PCDHGA6: variants seen among roughly 807,000 people sequenced by gnomAD.
PCDHGA6 encodes protocadherin gamma-A6.
Under a neutral mutation model 60.6 loss-of-function variants are expected in PCDHGA6, and 41 were observed. The ratio of observed to expected loss-of-function variants is 0.68; its 90% confidence interval spans 0.53 to 0.88. The LOEUF is 0.88. Among genes scored for constraint, PCDHGA6 ranks in the 40% least tolerant of loss-of-function variants. The probability of loss-of-function intolerance (pLI) is 0.00; values close to 1 mark genes in which losing one functional copy is unlikely to be tolerated. For missense variants in PCDHGA6, 1,312 were observed against 1,203.0 expected, an observed-to-expected ratio of 1.09 and a Z score of -1.34; for synonymous variants, 594 against 524.4, an observed-to-expected ratio of 1.13 and a Z score of -1.81.
rs1364618927 is a variant in PCDHGA6 at position 141,375,639 on chromosome 5, C to T, written c.1556C>T (p.Ser519Phe). 2 of 1,614,126 alleles carry T rather than the reference C, an allele frequency of 1.2e-6. No individual in the cohort carries two copies. The highest frequency in any genetic ancestry group is 1.7e-6 in the Non-Finnish European group (2 of 1,180,054). The change falls in exon 1 of 4, where the codon TCC becomes TTC. Residue 519 changes from serine (S) to phenylalanine (F), a missense_variant. Transcript: ENST00000517434. The stretch of plus-strand genomic sequence containing the variant: ...ACTGGGATTCTGTACGCCCTGCGCT[C>T]CTTCGACTATGAGCAGTTGAGAGAC... Reference protein sequence around the residue: ...SDTGILYALRSFDYEQLRDLQ... With the variant: ...SDTGILYALRFFDYEQLRDLQ...
chr5:141,502,866 C>CTT (rs549047197), intron 2 of PCDHGA6, among the ~76,000 whole-genome samples: 3 of 128,046 alleles, frequency 2.3e-5, no homozygotes, highest in Non-Finnish European at 3.2e-5. Flanking sequence ...GACTCTCTGT[C>CTT]TTTTTTTTTT....
At chr5:141,488,331 T>C (rs535498873) in intron 1 of PCDHGA6, among the ~76,000 whole-genome samples, 22 of 152,218 alleles carry the variant, frequency 1.4e-4, no homozygotes, top group Non-Finnish European at 3.1e-4. Context: ...TACAGTTGGC[T>C]GATTCATAGA....
intron 1 of PCDHGA6, chr5:141,415,906 A>C (rs2154546200): frequency 1.3e-6 from 1 of 784,990 alleles, no homozygotes; most frequent in East Asian, 3.5e-5. Context: ...ACAGACTTCC[A>C]TACAGAAGTG....
rs760790964 is a variant in PCDHGA6, at chr5:141,374,159, G to T, written c.76G>T (p.Ala26Ser). The T allele has an allele frequency of 2.7e-5, 44 of 1,612,170 alleles. No homozygotes were observed. Among genetic ancestry groups the T allele is most frequent in the Non-Finnish European group, 3.4e-5 (40 of 1,179,004 alleles). ...LLTLLGTLWG[A>S]AAAQIRYSIP... ...CACGCTCCTGGGGACGCTGTGGGGG[G>T]CCGCGGCAGCGCAGATCCGCTACTC... Residue 26 changes from alanine (A) to serine (S), a missense_variant, in exon 1 of 4, where the codon GCC becomes TCC. Transcript: ENST00000517434.
chr5:141,421,748 G>C, intron 1 of PCDHGA6: 1 of 1,613,944 alleles, frequency 6.2e-7, no homozygotes, highest in Non-Finnish European at 8.5e-7. Flanking sequence ...TACCAGCTCA[G>C]CCCTAATAAT....
At chr5:141,422,606 C>T in intron 1 of PCDHGA6, 1 of 1,613,904 alleles carries the variant, frequency 6.2e-7, no homozygotes, top group Non-Finnish European at 8.5e-7. Flanking sequence ...TCTTACTCTG[C>T]CTACATTCCC....
intron 1 of PCDHGA6, chr5:141,417,038 T>TAAA (rs567249795): frequency 5.5e-5 from 8 of 145,968 alleles, no homozygotes; most frequent in East Asian, 2.0e-4. Context: ...GTTTTTTTTT[T>TAAA]AAAAAAAACT....
chr5:141,488,170 T>C (rs554585709), intron 1 of PCDHGA6, among the ~76,000 whole-genome samples: 2 of 152,318 alleles, frequency 1.3e-5, no homozygotes, highest in African/African-American at 2.4e-5. Context: ...ATCAGAGTGG[T>C]GGCATAGATC....
At chr5:141,428,098 A>G in intron 1 of PCDHGA6, 1 of 1,608,664 alleles carries the variant, frequency 6.2e-7, no homozygotes, top group Non-Finnish European at 8.5e-7. Flanking sequence ...CTGTCCTACC[A>G]CGTGCTGCAG....
At chr5:141,466,324 C>A (rs2154569179) in intron 1 of PCDHGA6, among the ~76,000 whole-genome samples, 1 of 152,218 alleles carries the variant, frequency 6.6e-6, no homozygotes, top group East Asian at 1.9e-4. Context: ...GCACATGCTA[C>A]CATGCCTGGA....
In PCDHGA6 at chr5:141,491,797, G is replaced by T. The variant is rs537755017; in HGVS notation, c.2425-3010G>T. The stretch of plus-strand genomic sequence containing the variant: ...ATTGAACTTGCATCCACTCCTCTCC[G>T]GCCGGCTTGGTCGCTGGCTGCGCTC... On this transcript the variant is annotated intron_variant, in intron 1 of 3. Coordinates refer to ENST00000517434, the MANE Select transcript of PCDHGA6 (RefSeq NM_018919.3). The surrounding 1 kb of genome is among the most constrained non-coding windows in gnomAD (Gnocchi z 6.9). 2.0e-6 allele frequency: 3 copies of T among 1,506,818 alleles called. No homozygotes were observed. The highest frequency in any genetic ancestry group is 2.4e-5 in the Admixed American group (1 of 41,734). 93.3% of individuals were successfully genotyped at this position (1,506,818 alleles called of 1,614,324 possible). A position where few individuals can be genotyped will look rare whatever the true frequency, so the allele number is the denominator to read the frequency against.
intron 1 of PCDHGA6, among the ~76,000 whole-genome samples, chr5:141,482,178 C>T (rs950570560): frequency 2.6e-5 from 4 of 151,968 alleles, no homozygotes; most frequent in African/African-American, 4.8e-5. Context: ...TAAGGCTTTA[C>T]GATGCTCCAG....
chr5:141,409,106 A>T (rs1474106494), intron 1 of PCDHGA6: 1 of 1,613,930 alleles, frequency 6.2e-7, no homozygotes, highest in East Asian at 2.2e-5. Context: ...AGGTATGATT[A>T]AGAATAACCA....
chr5:141,449,160 T>G (rs6867451), intron 1 of PCDHGA6, among the ~76,000 whole-genome samples: 8,161 of 152,140 alleles, frequency 0.054, 458 homozygotes, highest in African/African-American at 0.15. Context: ...AAAGAGGAAA[T>G]AGGTGTAATT....
chr5:141,415,759 T>TG (rs2095937522), intron 1 of PCDHGA6: 3 of 1,352,056 alleles, frequency 2.2e-6, no homozygotes, highest in Non-Finnish European at 2.9e-6. Flanking sequence ...TTTTTTTTTT[T>TG]TTTTTTTTTT....
chr5:141,420,382 C>A, intron 1 of PCDHGA6: 1 of 1,300,530 alleles, frequency 7.7e-7, no homozygotes. Flanking sequence ...ATAGAGTTCG[C>A]AAAATATAGG....
chr5:141,443,436 T>A (rs1435598893), intron 1 of PCDHGA6, among the ~76,000 whole-genome samples: 1 of 152,132 alleles, frequency 6.6e-6, no homozygotes, highest in Admixed American at 6.6e-5. Context: ...CAGTGAGCTG[T>A]GGTTGCGCTC....
chr5:141,480,951 G>A (rs924500955), intron 1 of PCDHGA6, among the ~76,000 whole-genome samples: 4 of 152,038 alleles, frequency 2.6e-5, no homozygotes, highest in Non-Finnish European at 2.9e-5. Flanking sequence ...AGGCTGAGGC[G>A]GAAGCATCAG....
intron 1 of PCDHGA6, chr5:141,399,788 A>T: frequency 6.2e-7 from 1 of 1,613,174 alleles, no homozygotes; most frequent in South Asian, 1.1e-5. Context: ...CGAAACGACA[A>T]CGCACCGCGG....
Sources: gnomAD v4.1 joint callset for allele counts (sites outside exome capture counted in the v4.1 genomes callset) on GRCh38, gnomAD v4.1.1 for gene constraint, Gnocchi (gnomAD v3.1) non-coding constraint, MANE v1.5 for transcripts, NCBI Gene and HGNC (gene_info 2026-07-23, HGNC 2026-07-21) for gene names.